Variants in FRMPD3 observed in about 807,000 individuals in gnomAD.
FRMPD3 encodes FERM and PDZ domain-containing protein 3.
A neutral mutation model predicts 97.9 loss-of-function variants in FRMPD3; 42 were observed. The ratio of observed to expected loss-of-function variants is 0.43; its 90% CI spans 0.34 to 0.55. FRMPD3 has a LOEUF of 0.55. FRMPD3 is among the 20% of genes least tolerant of loss of function. FRMPD3 has a pLI of 0.03. For synonymous variants in FRMPD3, 577 were observed against 581.1 expected (o/e 0.99, Z 0.10); for missense variants, 1,303 against 1,457.7 (o/e 0.89, Z 1.73).
chrX:107,549,943 C>A, intron 5 of FRMPD3, 106 bp from the exon 6 acceptor site: 1 of 528,658 alleles, frequency 1.9e-6, no homozygotes, highest in Non-Finnish European at 3.3e-6. Context: ...ACCTTTGGCT[C>A]TCTGTCTCCA....
chrX:107,528,762 G>A (rs917539543), intron 2 of FRMPD3, among the ~76,000 whole-genome samples: 1 of 112,852 alleles, frequency 8.9e-6, no homozygotes, highest in African/African-American at 3.2e-5. Context: ...TAGAGTCCAA[G>A]TCTGTCTGGC....
chrX:107,578,563 A>T (rs916354107), intron 13 of FRMPD3, among the ~76,000 whole-genome samples: 1 of 111,454 alleles, frequency 9.0e-6, no homozygotes, highest in Non-Finnish European at 1.9e-5. Context: ...CCTCTAGCAC[A>T]GGGCCTCTGT....
At chrX:107,500,159 T>G (rs972524675) in intron 1 of FRMPD3, among the ~76,000 whole-genome samples, 23 of 111,732 alleles carry the variant, frequency 2.1e-4, no homozygotes, top group African/African-American at 7.2e-4. Flanking sequence ...AGCTGACACT[T>G]GGCCCCATGA....
intron 7 of FRMPD3, among the ~76,000 whole-genome samples, chrX:107,553,210 C>T (rs1256721252): frequency 9.1e-6 from 1 of 109,297 alleles, no homozygotes; most frequent in Non-Finnish European, 1.9e-5. Context: ...TTGCAAGTCT[C>T]CTGTCTCCTG....
At chrX:107,500,890 A>G (rs1921890266) in intron 1 of FRMPD3, among the ~76,000 whole-genome samples, 1 of 110,830 alleles carries the variant, frequency 9.0e-6, no homozygotes, top group African/African-American at 3.3e-5. Context: ...AATGCCTGTC[A>G]CATAGTAAGT....
intron 12 of FRMPD3, among the ~76,000 whole-genome samples, chrX:107,566,870 G>A (rs957599907): frequency 1.8e-5 from 2 of 112,209 alleles, no homozygotes; most frequent in African/African-American, 6.5e-5. Flanking sequence ...GTCTGAGTGA[G>A]GAGCACTATG....
chrX:107,506,396 T>C (rs1352518596), intron 1 of FRMPD3, among the ~76,000 whole-genome samples: 1 of 112,607 alleles, frequency 8.9e-6, no homozygotes, highest in Admixed American at 9.3e-5. Context: ...AAGGTAGCTT[T>C]TGAGACAGGT....
chrX:107,551,592 A>C (rs1391655594), intron 6 of FRMPD3, among the ~76,000 whole-genome samples: 1 of 111,760 alleles, frequency 8.9e-6, no homozygotes, highest in Non-Finnish European at 1.9e-5. Flanking sequence ...CTCGCTTGTG[A>C]TCTCAATCTG....
chrX:107,534,054 C>A (rs1923109584), intron 4 of FRMPD3, among the ~76,000 whole-genome samples: 1 of 111,922 alleles, frequency 8.9e-6, no homozygotes, highest in South Asian at 3.7e-4. Context: ...GGCTGTGTGA[C>A]CTTGAATGAG....
intron 1 of FRMPD3, among the ~76,000 whole-genome samples, chrX:107,478,840 CAT>C (rs1439019527): frequency 8.9e-6 from 1 of 111,892 alleles, no homozygotes; most frequent in Non-Finnish European, 1.9e-5. Context: ...GCAGCTCAAA[CAT>C]GTGAGGGGCT....
chrX:107,601,446 C>T lies in FRMPD3; in HGVS notation c.3407C>T (p.Pro1136Leu). 8.5e-7 allele frequency: 1 copy of T among 1,175,275 alleles called. No individual in the cohort carries two copies. Among genetic ancestry groups the T allele is most frequent in the African/African-American group, 1.8e-5 (1 of 56,636 alleles). The change falls in exon 15 of 15, where the codon CCC becomes CTC. Residue 1136 changes from proline (P) to leucine (L), a missense_variant. Physicochemically the swap from Pro to Leu is moderately conservative, Grantham distance 98. Transcript: ENST00000683843. Reference sequence around the variant, plus strand: ...ACCTACCCCATGGCTCTGCAGAGCCCCAGCTGCCAGTCAAGAAGCCACAGC... The same window carrying T: ...ACCTACCCCATGGCTCTGCAGAGCCTCAGCTGCCAGTCAAGAAGCCACAGC... ...RATYPMALQS[P>L]SCQSRSHSPS...
At chrX:107,590,849 G>C (rs1923865276) in intron 13 of FRMPD3, among the ~76,000 whole-genome samples, 1 of 112,694 alleles carries the variant, frequency 8.9e-6, no homozygotes, top group Non-Finnish European at 1.9e-5. Context: ...ACATTTGTCT[G>C]TAGTTTTCTT....
At position 107,551,015 on chromosome X, in the gene FRMPD3, G is replaced by A. The variant is rs185226422; in HGVS notation, c.510+859G>A. ...TTGGACCAACAAACGTTTGCTAAGA[G>A]GAGTTATCAGGTACTCAGAATGGGT... On this transcript the variant is annotated intron_variant, in intron 6 of 14. Coordinates refer to ENST00000683843, the MANE Select transcript of FRMPD3 (RefSeq NM_001388459.1). Among the ~76,000 whole-genome samples the A allele has an allele frequency of 1.2e-4, 14 of 112,104 alleles. No individual in the cohort carries two copies. In the East Asian group the frequency reaches 3.9e-3, roughly 31 times the overall value.
chrX:107,486,572 G>C (rs984298261), intron 1 of FRMPD3, among the ~76,000 whole-genome samples: 2 of 112,475 alleles, frequency 1.8e-5, no homozygotes, highest in African/African-American at 6.5e-5. Flanking sequence ...TGGATATCCA[G>C]TTGTCCCAGT....
chrX:107,526,460 G>C, intron 1 of FRMPD3, 122 bp from the exon 2 acceptor site: 1 of 505,713 alleles, frequency 2.0e-6, no homozygotes, highest in Non-Finnish European at 3.1e-6. Context: ...AGAGGATGTA[G>C]GAAGCTAAGC....
intron 4 of FRMPD3, among the ~76,000 whole-genome samples, chrX:107,542,675 C>T (rs16985228): frequency 0.14 from 15,897 of 111,924 alleles, 2,566 homozygotes; most frequent in African/African-American, 0.47. Context: ...ACAATGAGGA[C>T]GTTTGTTTCT....
chrX:107,550,848 C>G (rs1446688566), intron 6 of FRMPD3, among the ~76,000 whole-genome samples: 1 of 111,640 alleles, frequency 9.0e-6, no homozygotes, highest in Non-Finnish European at 1.9e-5. Flanking sequence ...GAATGCCATC[C>G]CCAGAATGAG....
chrX:107,539,059 A>G (rs1921161579), intron 4 of FRMPD3, among the ~76,000 whole-genome samples: 1 of 112,462 alleles, frequency 8.9e-6, no homozygotes, highest in South Asian at 3.6e-4. Flanking sequence ...AGAGACAGAA[A>G]AAAAAAAAGA....
intron 1 of FRMPD3, among the ~76,000 whole-genome samples, chrX:107,506,898 C>CT (rs1922043941): frequency 8.9e-6 from 1 of 112,022 alleles, no homozygotes; most frequent in African/African-American, 3.2e-5. Context: ...ACCGCTGCTG[C>CT]TACCTTGCTA....
Sources: allele counts gnomAD v4.1 joint callset (sites outside exome capture counted in the v4.1 genomes callset), GRCh38; gene constraint gnomAD v4.1.1; transcripts MANE v1.5; gene names NCBI Gene and HGNC (gene_info 2026-07-23, HGNC 2026-07-21).